SNX8: variants seen among roughly 807,000 people sequenced by gnomAD.
SNX8 encodes the protein sorting nexin-8.
Under a neutral mutation model 51.6 loss-of-function variants are expected in SNX8, and 25 were observed. The observed-to-expected ratio is 0.48, with a 90% CI of 0.35 to 0.68. The LOEUF (loss-of-function observed/expected upper bound fraction) is 0.68, where lower values mean the gene tolerates loss of function less well. SNX8 is among the 30% of genes least tolerant of loss of function. The pLI, the probability that SNX8 is intolerant of heterozygous loss-of-function variation, is 0.00. For missense variants in SNX8, 695 were observed against 624.0 expected (o/e 1.11, Z -1.21); for synonymous variants, 324 against 277.0 (o/e 1.17, Z -1.68).
intron 1 of SNX8, among the ~76,000 whole-genome samples, chr7:2,302,621 G>A (rs928721046): frequency 3.3e-5 from 5 of 151,234 alleles, no homozygotes; most frequent in Non-Finnish European, 5.9e-5. Flanking sequence ...AGTGAGGAGC[G>A]TCTCTGCCCA....
At chr7:2,343,550 C>T (rs1583126744) in intron 1 of SNX8, among the ~76,000 whole-genome samples, 1 of 152,122 alleles carries the variant, frequency 6.6e-6, no homozygotes, top group Middle Eastern at 3.4e-3. Flanking sequence ...TGGCGTGCAC[C>T]TGTAGTCCCA....
chr7:2,327,772 G>C (rs1778652997), intron 1 of SNX8, among the ~76,000 whole-genome samples: 1 of 152,052 alleles, frequency 6.6e-6, no homozygotes, highest in Admixed American at 6.6e-5. Flanking sequence ...TCTATCTCCT[G>C]ACCTCGTGAT....
intron 2 of SNX8, among the ~76,000 whole-genome samples, chr7:2,277,447 G>T (rs113693064): frequency 3.9e-5 from 6 of 152,060 alleles, no homozygotes; most frequent in African/African-American, 1.4e-4. Flanking sequence ...CTATTACAAA[G>T]CGAGGCTGGT....
rs575124683 is a variant in SNX8 at position 2,329,314 on chromosome 7, A to G, written c.-66+24908T>C. 8.6e-4 allele frequency among the ~76,000 whole-genome samples: 131 copies of G among 151,836 alleles called. 1 individual carries two copies. The highest frequency in any genetic ancestry group is 3.0e-3 in the African/African-American group (124 of 41,500). ...ATAAAAATAAAAAATAAATAAATAA[A>G]AATAAAATTTAAAAAAAAGGTAATG... On this transcript the variant is annotated intron_variant, in intron 1 of 5. Transcript: ENST00000435336.
chr7:2,352,654 A>G (rs1484227422), intron 1 of SNX8, among the ~76,000 whole-genome samples: 2 of 151,748 alleles, frequency 1.3e-5, no homozygotes, highest in Non-Finnish European at 2.9e-5. Flanking sequence ...AATACGGTGA[A>G]ACCTCGTCTC....
intron 1 of SNX8, among the ~76,000 whole-genome samples, chr7:2,307,504 C>T (rs1796570392): frequency 6.6e-6 from 1 of 151,956 alleles, no homozygotes; most frequent in South Asian, 2.1e-4. Flanking sequence ...CGGTGGTGGA[C>T]ACGTGTAATC....
At chr7:2,263,691 G>A (rs1795392908) in intron 6 of SNX8, among the ~76,000 whole-genome samples, 1 of 152,124 alleles carries the variant, frequency 6.6e-6, no homozygotes, top group Admixed American at 6.5e-5. Flanking sequence ...GCCAGCCCAT[G>A]GTCTGTTCTT....
chr7:2,261,859 G>T (rs140076796), intron 7 of SNX8, among the ~76,000 whole-genome samples: 2 of 152,190 alleles, frequency 1.3e-5, no homozygotes, highest in South Asian at 4.1e-4. Flanking sequence ...AAAAAGCCCC[G>T]ACTCCACAGC....
intron 1 of SNX8, among the ~76,000 whole-genome samples, chr7:2,351,690 G>C (rs1562467111): frequency 6.6e-6 from 1 of 151,674 alleles, no homozygotes; most frequent in Non-Finnish European, 1.5e-5. Flanking sequence ...AATTAGCCGG[G>C]TGTGGTGGCA....
intron 1 of SNX8, chr7:2,309,959 C>G (rs573790032): frequency 7.4e-5 from 33 of 445,932 alleles, no homozygotes; most frequent in Non-Finnish European, 1.2e-4. Flanking sequence ...AAGGAGTCAT[C>G]GCCAGGTCAA....
At chr7:2,304,764 A>G (rs1327592720) in intron 1 of SNX8, among the ~76,000 whole-genome samples, 1 of 152,140 alleles carries the variant, frequency 6.6e-6, no homozygotes, top group East Asian at 1.9e-4. Context: ...CTGCACACAC[A>G]GAGACACTCC....
At chr7:2,315,508 C>T (rs903654700), upstream of SNX8, among the ~76,000 whole-genome samples, 6 of 151,024 alleles carry the variant, frequency 4.0e-5, no homozygotes, top group African/African-American at 1.2e-4. Flanking sequence ...CTTCTTCATA[C>T]GTTCATTCAC....
chr7:2,332,761 AGGAAGGAAGGAG>A (rs914999286), intron 1 of SNX8, among the ~76,000 whole-genome samples: 2 of 149,364 alleles, frequency 1.3e-5, no homozygotes, highest in African/African-American at 2.5e-5. Flanking sequence ...GAAGGAAGGA[AGGAAGGAAGGAG>A]GGAAGGAGGG....
chr7:2,293,137 C>T (rs1392201127), intron 1 of SNX8, among the ~76,000 whole-genome samples: 2 of 150,506 alleles, frequency 1.3e-5, no homozygotes, highest in African/African-American at 4.9e-5. Context: ...CACAGTGGCT[C>T]ACGCCTGTAA....
At chr7:2,335,716 T>C (rs1228433954) in intron 1 of SNX8, among the ~76,000 whole-genome samples, 1 of 140,286 alleles carries the variant, frequency 7.1e-6, no homozygotes, top group Non-Finnish European at 1.5e-5. Context: ...GGCAGGCGAA[T>C]GGCGTGAACC....
At chr7:2,316,669 C>G (rs1796763454), upstream of SNX8, among the ~76,000 whole-genome samples, 1 of 150,902 alleles carries the variant, frequency 6.6e-6, no homozygotes. Context: ...ATTCATTCAC[C>G]CACTCACTGA....
intron 1 of SNX8, among the ~76,000 whole-genome samples, chr7:2,351,525 T>A (rs1025941610): frequency 7.2e-5 from 11 of 151,758 alleles, no homozygotes; most frequent in African/African-American, 2.7e-4. Flanking sequence ...GGTGACAGAG[T>A]GAGACCCTGT....
At chr7:2,282,769 G>A (rs1795936455) in intron 1 of SNX8, among the ~76,000 whole-genome samples, 1 of 152,152 alleles carries the variant, frequency 6.6e-6, no homozygotes, top group South Asian at 2.1e-4. Flanking sequence ...CTAAGGTCAG[G>A]AGTTTGAGGC....
At chr7:2,302,251 C>T (rs1025495152) in intron 1 of SNX8, among the ~76,000 whole-genome samples, 9 of 152,206 alleles carry the variant, frequency 5.9e-5, no homozygotes, top group Non-Finnish European at 1.3e-4. Context: ...TGCAGGCTCG[C>T]GCCGCCACGC....
Sources: allele counts gnomAD v4.1 joint callset (sites outside exome capture counted in the v4.1 genomes callset), GRCh38; gene constraint gnomAD v4.1.1; transcripts MANE v1.5; gene names NCBI Gene and HGNC (gene_info 2026-07-23, HGNC 2026-07-21).